Variants in ST18 observed in about 807,000 individuals in gnomAD.
The protein encoded by ST18 is suppression of tumorigenicity 18 protein.
Under a neutral mutation model 110.0 loss-of-function variants are expected in ST18, and 50 were observed. The observed-to-expected ratio is 0.45, with a 90% CI of 0.36 to 0.58. The LOEUF is 0.58. Among genes scored for constraint, ST18 ranks in the 20% least tolerant of loss-of-function variants. ST18 has a pLI of 0.00. For synonymous variants in ST18, 461 were observed against 452.4 expected, an observed-to-expected ratio of 1.02 and a Z score of -0.24; for missense variants, 1,306 against 1,280.1, an observed-to-expected ratio of 1.02 and a Z score of -0.31.
At chr8:52,277,124 C>G (rs1490588314) in intron 2 of ST18, among the ~76,000 whole-genome samples, 1 of 152,176 alleles carries the variant, frequency 6.6e-6, no homozygotes, top group Non-Finnish European at 1.5e-5. Context: ...TCAGAGACTG[C>G]CTGAAGGACT....
intron 2 of ST18, among the ~76,000 whole-genome samples, chr8:52,363,161 G>A (rs1028890191): frequency 2.6e-5 from 4 of 152,080 alleles, no homozygotes; most frequent in East Asian, 1.9e-4. Flanking sequence ...GCAGTGAGCC[G>A]AGATCAGCCA....
At chr8:52,356,093 C>T (rs760920915) in intron 2 of ST18, among the ~76,000 whole-genome samples, 5 of 152,112 alleles carry the variant, frequency 3.3e-5, no homozygotes, top group African/African-American at 2.4e-5. Flanking sequence ...TCAAGAAGGA[C>T]GTGCACAAGC....
chr8:52,126,004 G>T, intron 23 of ST18, 48 bp downstream of exon 23: 1 of 1,500,792 alleles, frequency 6.7e-7, no homozygotes, highest in Non-Finnish European at 9.1e-7. Flanking sequence ...TGGGGAGCCA[G>T]GGTCTACACC....
intron 2 of ST18, among the ~76,000 whole-genome samples, chr8:52,231,270 C>T (rs2091268718): frequency 6.6e-6 from 1 of 152,118 alleles, no homozygotes; most frequent in African/African-American, 2.4e-5. Flanking sequence ...TCCATCCTTC[C>T]AACAGAAGTT....
rs1047903210 is a variant in ST18 at position 52,110,934 on chromosome 8, C to G, written c.*2264G>C. On this transcript the variant is annotated 3_prime_UTR_variant, in exon 26 of 26. Transcript: ENST00000689386. ...AAGAAATATTAAGTGTTTGGAGAAA[C>G]AGTATACAAACAAACTACCTCAAAT... 1.0e-5 allele frequency: 4 copies of G among 397,240 alleles called. No individual in the cohort carries two copies. The highest frequency in any genetic ancestry group is 2.1e-5 in the African/African-American group (1 of 48,540). The allele number at this position is 397,240 out of a possible 1,614,324, so 24.6% of individuals were successfully genotyped here.
chr8:52,202,241 C>A (rs1323601163), intron 8 of ST18, among the ~76,000 whole-genome samples: 1 of 152,118 alleles, frequency 6.6e-6, no homozygotes, highest in Non-Finnish European at 1.5e-5. Flanking sequence ...AATAGAAATG[C>A]CTTTATCATG....
intron 2 of ST18, among the ~76,000 whole-genome samples, chr8:52,379,871 T>C (rs1252718362): frequency 6.6e-6 from 1 of 152,234 alleles, no homozygotes. Context: ...AATAATTTTG[T>C]AGCCACCTCC....
intron 2 of ST18, among the ~76,000 whole-genome samples, chr8:52,269,663 G>C (rs1294092852): frequency 1.3e-5 from 2 of 152,146 alleles, no homozygotes; most frequent in African/African-American, 2.4e-5. Context: ...GCCAGGAGGA[G>C]AGTGACCCTT....
intron 2 of ST18, among the ~76,000 whole-genome samples, chr8:52,235,188 A>G (rs1274585356): frequency 2.0e-5 from 3 of 152,178 alleles, no homozygotes; most frequent in Non-Finnish European, 2.9e-5. Context: ...AATAAAAATA[A>G]AAAATAAAAA....
intron 8 of ST18, among the ~76,000 whole-genome samples, chr8:52,200,591 C>T (rs1244262760): frequency 2.0e-5 from 3 of 152,134 alleles, no homozygotes; most frequent in African/African-American, 4.8e-5. Context: ...CTGACTGTCT[C>T]GTGGAGTGAA....
At chr8:52,300,271 GC>G (rs2095698079) in intron 2 of ST18, among the ~76,000 whole-genome samples, 1 of 152,154 alleles carries the variant, frequency 6.6e-6, no homozygotes, top group African/African-American at 2.4e-5. Flanking sequence ...GGAGATGGCT[GC>G]GTGTTATATT....
At chr8:52,362,278 C>T (rs1826042161) in intron 2 of ST18, among the ~76,000 whole-genome samples, 1 of 152,068 alleles carries the variant, frequency 6.6e-6, no homozygotes. Flanking sequence ...ATGTAAGCTA[C>T]CATATTTTTA....
In ST18 at chr8:52,132,125, T is replaced by C; in HGVS notation, c.2499A>G (p.Ser833=). The part of the protein sequence containing the change: ...GQGHISGKYT[S]HRTASGCPLA... Reference sequence around the variant, plus strand: ...GAGGACAGCCAGAAGCTGTGCGGTGTGATGTGTATTTACCTGATATGTGAC... The same window carrying C: ...GAGGACAGCCAGAAGCTGTGCGGTGCGATGTGTATTTACCTGATATGTGAC... Residue 833 remains serine (S), a synonymous_variant, in exon 22 of 26, where the codon TCA becomes TCG. Coordinates refer to ENST00000689386, the MANE Select transcript of ST18 (RefSeq NM_001352837.2). The C allele has an allele frequency of 1.2e-6, 2 of 1,614,102 alleles. No individual in the cohort carries two copies. Among genetic ancestry groups the C allele is most frequent in the South Asian group, 1.1e-5 (1 of 91,078 alleles).
chr8:52,322,389 T>C (rs182758618), intron 2 of ST18, among the ~76,000 whole-genome samples: 518 of 152,356 alleles, frequency 3.4e-3, no homozygotes, highest in Middle Eastern at 6.8e-3. Flanking sequence ...ATGAATACTA[T>C]TACTGGCTGT....
At chr8:52,116,992 G>T (rs151089291) in intron 24 of ST18, among the ~76,000 whole-genome samples, 37 of 152,276 alleles carry the variant, frequency 2.4e-4, no homozygotes, top group African/African-American at 8.7e-4. Flanking sequence ...CTGTTAAAAT[G>T]CAAGTCAGCA....
At chr8:52,206,667 T>C (rs2080196245) in intron 8 of ST18, 1 of 152,162 alleles carries the variant, frequency 6.6e-6, no homozygotes, top group African/African-American at 2.4e-5. Context: ...GTGATCAGTC[T>C]TGAGTCCCTC....
chr8:52,384,786 G>GGTGTGT (rs60638852), intron 2 of ST18, among the ~76,000 whole-genome samples: 6,849 of 147,456 alleles, frequency 0.046, 233 homozygotes, highest in East Asian at 0.15. Flanking sequence ...TGTGTACACA[G>GGTGTGT]GTGTGTGTGT....
intron 15 of ST18, 77 bp downstream of exon 15, chr8:52,158,821 T>C: frequency 2.0e-6 from 3 of 1,507,354 alleles, no homozygotes; most frequent in South Asian, 1.1e-5. Context: ...GTAGTGAATG[T>C]AGTTAGGAAC....
At chr8:52,126,533 A>G (rs947578103) in intron 22 of ST18, among the ~76,000 whole-genome samples, 2 of 152,250 alleles carry the variant, frequency 1.3e-5, no homozygotes, top group African/African-American at 4.8e-5. Context: ...TCAAAATTCC[A>G]TGAGTAATAA....
Sources: gnomAD v4.1 joint callset for allele counts (sites outside exome capture counted in the v4.1 genomes callset) on GRCh38, gnomAD v4.1.1 for gene constraint, MANE v1.5 for transcripts, NCBI Gene and HGNC (gene_info 2026-07-23, HGNC 2026-07-21) for gene names.